BDH1: variants seen among roughly 807,000 people sequenced by gnomAD.
The protein encoded by BDH1 is D-beta-hydroxybutyrate dehydrogenase, mitochondrial.
In BDH1, 30 loss-of-function variants were observed where a neutral mutation model predicts 33.1. The observed-to-expected ratio is 0.91, with a 90% CI of 0.68 to 1.23. The LOEUF (loss-of-function observed/expected upper bound fraction) is 1.23. Ranked by LOEUF, BDH1 falls within the 50% of genes most tolerant of loss-of-function variation. BDH1 has a pLI of 0.00. For missense variants in BDH1, 443 were observed against 464.4 expected, an observed-to-expected ratio of 0.95 and a Z score of 0.42; for synonymous variants, 190 against 183.6, an observed-to-expected ratio of 1.03 and a Z score of -0.28.
At chr3:197,569,051 C>T (rs1192733166) in intron 1 of BDH1, among the ~76,000 whole-genome samples, 1 of 152,206 alleles carries the variant, frequency 6.6e-6, no homozygotes, top group Non-Finnish European at 1.5e-5. Flanking sequence ...CCATTTGCAA[C>T]TGAACACATT....
Position 197,514,218 on chromosome 3 carries a change from C to A in BDH1, c.562+46G>T, listed in dbSNP as rs539539316. 6.3e-7 allele frequency: 1 copy of A among 1,577,826 alleles called. No homozygotes were observed. Among genetic ancestry groups the A allele is most frequent in the South Asian group, 1.2e-5 (1 of 86,106 alleles). ...TTTCCATTCTGAGCAAAGATGAACA[C>A]GTGGGGCAGGTTCAGGGGCAGGAGG... On this transcript the variant is annotated intron_variant, in intron 7 of 7. Transcript: ENST00000392379. The surrounding 1 kb of genome is among the most constrained non-coding windows in gnomAD (Gnocchi z 4.2).
chr3:197,566,989 T>G (rs1717452818), intron 1 of BDH1, among the ~76,000 whole-genome samples: 1 of 152,198 alleles, frequency 6.6e-6, no homozygotes, highest in Admixed American at 6.5e-5. Context: ...TACCTACTGA[T>G]GTATAAACTT....
At chr3:197,534,866 G>A (rs1560324181) in intron 3 of BDH1, among the ~76,000 whole-genome samples, 1 of 152,162 alleles carries the variant, frequency 6.6e-6, no homozygotes, top group Non-Finnish European at 1.5e-5. Context: ...TTTGTCACCT[G>A]TCTTAGTCTG....
At chr3:197,559,574 T>C (rs890288549), upstream of BDH1, among the ~76,000 whole-genome samples, 2 of 152,212 alleles carry the variant, frequency 1.3e-5, no homozygotes, top group African/African-American at 4.8e-5. Context: ...GGCTCTGCTA[T>C]TTGGGGGAAC....
chr3:197,529,152 G>A (rs1464430823), intron 5 of BDH1: 1 of 152,208 alleles, frequency 6.6e-6, no homozygotes, highest in Non-Finnish European at 1.5e-5. Context: ...CAGCCTTTCA[G>A]GAAAGCAGTT....
In BDH1 at chr3:197,522,391, C is replaced by A. The variant is rs931892435; in HGVS notation, c.409+249G>T. ...CATCAATGGGCATTGGCTGAACTGA[C>A]CTGAATCAGTGCGTAGCCACCTAGC... On this transcript the variant is annotated intron_variant, in intron 6 of 7. Transcript: ENST00000392379. This position sits in a 1 kb window ranked among gnomAD's most constrained non-coding sequence, Gnocchi z 4.8. 1.3e-5 allele frequency among the ~76,000 whole-genome samples: 2 copies of A among 152,192 alleles called. No individual in the cohort carries two copies. Among genetic ancestry groups the A allele is most frequent in the African/African-American group, 4.8e-5 (2 of 41,442 alleles).
rs889767299 is a variant in BDH1, at chr3:197,510,230, T to G, written c.*1665A>C. 2 of 152,254 alleles carry G rather than the reference T, an allele frequency of 1.3e-5. No homozygotes were observed. The highest frequency in any genetic ancestry group is 2.9e-5 in the Non-Finnish European group (2 of 68,066). The allele number at this position is 152,254 out of a possible 1,614,324, so 9.4% of individuals were successfully genotyped here. A position where few individuals can be genotyped will look rare whatever the true frequency, so the allele number is the denominator to read the frequency against. ...TTGTTCCCGGTTTCCGAAGCGCGAA[T>G]CCCGAACGCCGTGAGAAACCTCAGG... is the stretch of plus-strand genomic sequence containing the variant. On this transcript the variant is annotated 3_prime_UTR_variant, in exon 8 of 8. Coordinates refer to ENST00000392379, the MANE Select transcript of BDH1 (RefSeq NM_203314.3).
intron 1 of BDH1, among the ~76,000 whole-genome samples, chr3:197,566,064 T>A (rs1172702438): frequency 6.6e-6 from 1 of 152,260 alleles, no homozygotes; most frequent in African/African-American, 2.4e-5. Context: ...AACAATTGAG[T>A]GAAGTATACT....
chr3:197,564,415 A>G (rs902643519), intron 1 of BDH1, among the ~76,000 whole-genome samples: 1 of 152,110 alleles, frequency 6.6e-6, no homozygotes, highest in African/African-American at 2.4e-5. Flanking sequence ...AGTTAAGGTT[A>G]TTACACCCAT....
intron 5 of BDH1, chr3:197,530,214 G>A (rs1410706696): frequency 6.6e-6 from 1 of 152,190 alleles, no homozygotes; most frequent in African/African-American, 2.4e-5. Context: ...TACTCTGTTG[G>A]TGAAATTGTG....
At chr3:197,532,616 T>C (rs1714772620) in intron 4 of BDH1, 94 bp from the exon 5 acceptor site, 1 of 886,264 alleles carries the variant, frequency 1.1e-6, no homozygotes, top group East Asian at 2.6e-5. Flanking sequence ...GAGTTAGTGC[T>C]TCCTGAGTGG....
chr3:197,543,885 T>C (rs1686277765), intron 3 of BDH1, among the ~76,000 whole-genome samples: 1 of 152,136 alleles, frequency 6.6e-6, no homozygotes. Flanking sequence ...TCAGTGTGAA[T>C]GCAGGGGCAG....
In BDH1 at chr3:197,546,360, C is replaced by T; in HGVS notation, c.83+1G>A. On this transcript the variant is annotated splice_donor_variant, in intron 3 of 7. Coordinates refer to ENST00000392379, the MANE Select transcript of BDH1 (RefSeq NM_203314.3). LOFTEE classifies it high-confidence loss of function. ...GGCCACCACCACCTCTGGTTGCTTA[C>T]CTTGCTCCATTTTCTCTATCACAGG... 6 of 1,614,108 alleles carry T rather than the reference C, an allele frequency of 3.7e-6. No homozygotes were observed. Among genetic ancestry groups the T allele is most frequent in the Non-Finnish European group, 4.2e-6 (5 of 1,180,010 alleles).
intron 3 of BDH1, among the ~76,000 whole-genome samples, chr3:197,535,493 C>A (rs1215811591): frequency 6.6e-6 from 1 of 152,236 alleles, no homozygotes; most frequent in African/African-American, 2.4e-5. Context: ...AGAGAAATTA[C>A]TTCTGCCTTC....
chr3:197,524,322 A>C (rs1342469286), intron 5 of BDH1, among the ~76,000 whole-genome samples: 1 of 152,232 alleles, frequency 6.6e-6, no homozygotes, highest in Non-Finnish European at 1.5e-5. Flanking sequence ...CTACTGAAGC[A>C]AACATCCCAG....
chr3:197,532,384 A>G (rs1432447048), intron 5 of BDH1, 28 bp downstream of exon 5: 1 of 1,580,864 alleles, frequency 6.3e-7, no homozygotes, highest in Non-Finnish European at 8.7e-7. Context: ...GTAAAAGACA[A>G]TGGTGAAGAA....
upstream of BDH1, among the ~76,000 whole-genome samples, chr3:197,557,166 A>G (rs944063737): frequency 2.6e-5 from 4 of 152,138 alleles, no homozygotes; most frequent in Admixed American, 6.5e-5. This position sits in a 1 kb window ranked among gnomAD's most constrained non-coding sequence, Gnocchi z 4.6. Flanking sequence ...TTCATCTTAC[A>G]TATGTTGATT....
intron 5 of BDH1, among the ~76,000 whole-genome samples, chr3:197,531,459 A>G (rs928780477): frequency 3.4e-5 from 5 of 145,366 alleles, no homozygotes; most frequent in East Asian, 1.9e-4. Context: ...ATATACATAT[A>G]TGTATATATA....
chr3:197,528,538 A>G lies in BDH1; in HGVS notation c.267+3874T>C. ...GGGGCTAACACTACAGAATCGGGCT[A>G]GAAGCAAATTCCCCCTTTCAACCCC... On this transcript the variant is annotated intron_variant, in intron 5 of 7. Transcript: ENST00000392379. This position sits in a 1 kb window ranked among gnomAD's most constrained non-coding sequence, Gnocchi z 5.1. 6.6e-6 allele frequency: 1 copy of G among 152,246 alleles called. No individual in the cohort carries two copies. Among genetic ancestry groups the G allele is most frequent in the Non-Finnish European group, 1.5e-5 (1 of 68,062 alleles). The allele number at this position is 152,246 out of a possible 1,614,324, so 9.4% of individuals were successfully genotyped here. A position where few individuals can be genotyped will look rare whatever the true frequency, so the allele number is the denominator to read the frequency against.
Sources: allele counts gnomAD v4.1 joint callset (sites outside exome capture counted in the v4.1 genomes callset), GRCh38; gene constraint gnomAD v4.1.1; non-coding constraint Gnocchi (gnomAD v3.1); transcripts MANE v1.5; gene names NCBI Gene and HGNC (gene_info 2026-07-23, HGNC 2026-07-21).